The following DLGAP2 variants were observed in gnomAD, a reference collection of about 807,000 sequenced individuals.
DLGAP2 encodes the protein disks large-associated protein 2.
In DLGAP2, 26 loss-of-function variants were observed where a neutral mutation model predicts 100.3. The observed-to-expected ratio is 0.26, with a 90% CI of 0.19 to 0.36. The LOEUF is 0.36. Among genes scored for constraint, DLGAP2 ranks in the 10% least tolerant of loss-of-function variants. The probability of loss-of-function intolerance (pLI) is 1.00; values close to 1 mark genes in which losing one functional copy is unlikely to be tolerated. For missense variants in DLGAP2, 1,858 were observed against 1,453.2 expected (o/e 1.28, Z -4.53); for synonymous variants, 886 against 630.1 (o/e 1.41, Z -6.08).
rs1554456349 is a variant in DLGAP2 at position 1,380,954 on chromosome 8, A to AAC, written c.107-120411_107-120410insCA. Reference sequence around the variant, plus strand: ...ACATGATTCAAAAAAAAAAAAAAAAAAAAAAACACCCAAAAGGCCAAAAAG... The same window carrying AAC: ...ACATGATTCAAAAAAAAAAAAAAAAAACAAAAAACACCCAAAAGGCCAAAAAG... On this transcript the variant is annotated intron_variant, in intron 3 of 14. Transcript: ENST00000637795. The AAC allele has an allele frequency of 1.3e-3, 195 of 150,564 alleles. 2 individuals are homozygous for AAC. The highest frequency in any genetic ancestry group is 4.6e-3 in the African/African-American group (188 of 41,248). 9.3% of individuals were successfully genotyped at this position (150,564 alleles called of 1,614,324 possible). A position where few individuals can be genotyped will look rare whatever the true frequency, so the allele number is the denominator to read the frequency against.
intron 1 of DLGAP2, chr8:822,106 C>G (rs768561492): frequency 2.5e-6 from 1 of 399,168 alleles, no homozygotes; most frequent in African/African-American, 2.1e-5. Flanking sequence ...TCTCGCCATC[C>G]GAGGCTTGGC....
At chr8:1,235,523 GA>G (rs1798632271) in intron 2 of DLGAP2, among the ~76,000 whole-genome samples, 1 of 148,786 alleles carries the variant, frequency 6.7e-6, no homozygotes, top group African/African-American at 2.5e-5. Context: ...CTCTCACACA[GA>G]GCATCATGTC....
At chr8:1,504,357 G>C (rs929482108) in intron 4 of DLGAP2, among the ~76,000 whole-genome samples, 1 of 152,152 alleles carries the variant, frequency 6.6e-6, no homozygotes, top group Admixed American at 6.5e-5. Context: ...AGTCAACAAA[G>C]CTAGTTAACA....
chr8:798,991 A>G (rs1445905683), intron 1 of DLGAP2, among the ~76,000 whole-genome samples: 3 of 152,230 alleles, frequency 2.0e-5, no homozygotes, highest in Admixed American at 6.5e-5. Context: ...GTGTGTGTGC[A>G]TGTCCTGACC....
At chr8:756,291 C>T (rs778913352) in intron 1 of DLGAP2, among the ~76,000 whole-genome samples, 1 of 151,728 alleles carries the variant, frequency 6.6e-6, no homozygotes, top group Non-Finnish European at 1.5e-5. Flanking sequence ...TGGTCATGGC[C>T]GGATAGGGAG....
chr8:1,232,668 T>G (rs1257170930), intron 2 of DLGAP2, among the ~76,000 whole-genome samples: 4 of 152,198 alleles, frequency 2.6e-5, no homozygotes, highest in Admixed American at 6.5e-5. Context: ...CCTTGCAAAA[T>G]CTCTGTAAAG....
intron 1 of DLGAP2, among the ~76,000 whole-genome samples, chr8:876,586 T>C (rs6995775): frequency 0.81 from 122,766 of 152,160 alleles, 50,482 homozygotes; most frequent in African/African-American, 0.87. Context: ...TGACTTTCAG[T>C]ATTTGTACTG....
At chr8:1,135,503 GTTTTTT>G (rs3080806) in intron 2 of DLGAP2, among the ~76,000 whole-genome samples, 19 of 92,236 alleles carry the variant, frequency 2.1e-4, no homozygotes, top group East Asian at 7.7e-4. Context: ...TTTTTTGTGG[GTTTTTT>G]TTTTTTTTTT....
chr8:1,249,421 C>G (rs762560652), intron 2 of DLGAP2, among the ~76,000 whole-genome samples: 1 of 152,164 alleles, frequency 6.6e-6, no homozygotes, highest in Non-Finnish European at 1.5e-5. Context: ...CTACTGAGGC[C>G]TAAATACAAC....
intron 2 of DLGAP2, among the ~76,000 whole-genome samples, chr8:1,079,061 G>A (rs73670433): frequency 0.04 from 6,152 of 152,258 alleles, 386 homozygotes; most frequent in African/African-American, 0.14. Context: ...CCTCACCAGC[G>A]TTTCATGCTG....
chr8:829,987 G>C (rs1020958883), intron 1 of DLGAP2, among the ~76,000 whole-genome samples: 14 of 152,050 alleles, frequency 9.2e-5, no homozygotes, highest in African/African-American at 3.4e-4. Flanking sequence ...ACCTCTATTT[G>C]AGTACTTAAT....
intron 4 of DLGAP2, among the ~76,000 whole-genome samples, chr8:1,516,463 A>C (rs1800390780): frequency 7.7e-6 from 1 of 130,064 alleles, no homozygotes; most frequent in South Asian, 2.6e-4. Context: ...GACTGAGTGA[A>C]TGAGTGGGTG....
intron 8 of DLGAP2, among the ~76,000 whole-genome samples, chr8:1,654,236 C>G (rs551992282): frequency 6.6e-6 from 1 of 152,322 alleles, no homozygotes; most frequent in African/African-American, 2.4e-5. Context: ...CAAATGCTAC[C>G]TCCTGTACAG....
At chr8:1,149,690 C>T in intron 2 of DLGAP2, among the ~76,000 whole-genome samples, 1 of 152,184 alleles carries the variant, frequency 6.6e-6, no homozygotes, top group East Asian at 1.9e-4. Context: ...ATTTCATCTG[C>T]CATCTTACTA....
At chr8:1,309,120 T>G (rs2117011680) in intron 3 of DLGAP2, among the ~76,000 whole-genome samples, 1 of 152,140 alleles carries the variant, frequency 6.6e-6, no homozygotes, top group East Asian at 1.9e-4. Context: ...ATCATCGGGC[T>G]GATCAGCCTA....
At chr8:1,650,121 G>A (rs1043489241) in intron 8 of DLGAP2, among the ~76,000 whole-genome samples, 14 of 152,106 alleles carry the variant, frequency 9.2e-5, no homozygotes, top group Non-Finnish European at 1.2e-4. Context: ...AGTATTTCTT[G>A]TATCCATTTA....
intron 3 of DLGAP2, among the ~76,000 whole-genome samples, chr8:1,441,796 T>TA (rs973459063): frequency 1.6e-4 from 24 of 151,700 alleles, no homozygotes; most frequent in African/African-American, 5.8e-4. Flanking sequence ...TTTTTTTTTT[T>TA]TTATTTAATT....
chr8:1,348,960 G>A (rs1364409451), intron 3 of DLGAP2, among the ~76,000 whole-genome samples: 1 of 152,012 alleles, frequency 6.6e-6, no homozygotes, highest in Non-Finnish European at 1.5e-5. Flanking sequence ...ATGGTCTGTC[G>A]CCTTCCTTAG....
At chr8:754,572 T>TGCCCAGGTGCGGG (rs1160724461) in intron 1 of DLGAP2, among the ~76,000 whole-genome samples, 1 of 152,206 alleles carries the variant, frequency 6.6e-6, no homozygotes, top group African/African-American at 2.4e-5. Flanking sequence ...GCAGTGTGCC[T>TGCCCAGGTGCGGG]GCCCAGGTGC....
Sources: allele counts gnomAD v4.1 joint callset (sites outside exome capture counted in the v4.1 genomes callset), GRCh38; gene constraint gnomAD v4.1.1; transcripts MANE v1.5; gene names NCBI Gene and HGNC (gene_info 2026-07-23, HGNC 2026-07-21).